TMEM178B: variants seen among roughly 807,000 people sequenced by gnomAD.
TMEM178B encodes transmembrane protein 178B.
Under a neutral mutation model 31.0 loss-of-function variants are expected in TMEM178B, and 5 were observed. The observed-to-expected ratio is 0.16, with a 90% CI of 0.08 to 0.34. The LOEUF is 0.34. TMEM178B is among the 10% of genes least tolerant of loss of function. The pLI is 1.00. For synonymous variants in TMEM178B, 164 were observed against 164.0 expected, an observed-to-expected ratio of 1.00 and a Z score of 0.00; for missense variants, 275 against 400.3, an observed-to-expected ratio of 0.69 and a Z score of 2.67.
intron 2 of TMEM178B, among the ~76,000 whole-genome samples, chr7:141,340,240 C>A (rs979932616): frequency 8.5e-5 from 13 of 152,144 alleles, no homozygotes; most frequent in Non-Finnish European, 1.5e-5. Flanking sequence ...AAGCATAGCC[C>A]AGCTGACAGC....
intron 1 of TMEM178B, among the ~76,000 whole-genome samples, chr7:141,129,584 A>T (rs924201183): frequency 6.6e-6 from 1 of 152,144 alleles, no homozygotes; most frequent in Non-Finnish European, 1.5e-5. Context: ...TTCTATTATC[A>T]TAGGTTGGTT....
chr7:141,510,808 G>C, the TMEM178B span, among the ~76,000 whole-genome samples: 3 of 151,132 alleles, frequency 2.0e-5, no homozygotes, highest in African/African-American at 7.3e-5. Context: ...GAGGCAGACA[G>C]AGGTAGAAGC....
intron 1 of TMEM178B, among the ~76,000 whole-genome samples, chr7:141,181,008 C>T (rs996319059): frequency 6.6e-6 from 1 of 152,174 alleles, no homozygotes. Context: ...ATCCACCCAT[C>T]TGTCAATTCA....
chr7:141,100,147 A>G (rs1175248677), intron 1 of TMEM178B, among the ~76,000 whole-genome samples: 1 of 151,814 alleles, frequency 6.6e-6, no homozygotes, highest in Non-Finnish European at 1.5e-5. Context: ...TCAGACTGCA[A>G]TCCTAATCAC....
chr7:141,404,065 G>A (rs540279608), intron 2 of TMEM178B, among the ~76,000 whole-genome samples: 1 of 152,204 alleles, frequency 6.6e-6, no homozygotes, highest in Non-Finnish European at 1.5e-5. Context: ...CAGCACTCTG[G>A]GGGGCCGAGA....
chr7:141,138,482 C>A (rs1274839663), intron 1 of TMEM178B, among the ~76,000 whole-genome samples: 1 of 151,898 alleles, frequency 6.6e-6, no homozygotes, highest in African/African-American at 2.4e-5. Context: ...AGAAGATGGC[C>A]CAGGTGGTTT....
At position 141,418,783 on chromosome 7, in the gene TMEM178B, A is replaced by G. The variant is rs76568406; in HGVS notation, c.497-18825A>G. Among the ~76,000 whole-genome samples, 659 of 152,282 alleles carry G rather than the reference A, an allele frequency of 4.3e-3. 12 individuals are homozygous for G. Among genetic ancestry groups the G allele is most frequent in the Admixed American group, 0.031 (467 of 15,288 alleles). ...TATCTCAAGTAATAATTGCTCCCCT[A>G]TGTGCTAGACTTGTACAGCCAGTGC... On this transcript the variant is annotated intron_variant, in intron 2 of 3. Coordinates refer to ENST00000565468, the MANE Select transcript of TMEM178B (RefSeq NM_001195278.2).
chr7:141,238,450 A>G (rs1039809771), intron 2 of TMEM178B, among the ~76,000 whole-genome samples: 2 of 152,176 alleles, frequency 1.3e-5, no homozygotes, highest in Non-Finnish European at 2.9e-5. Context: ...TGCTTTTGAT[A>G]TATCTTAACT....
chr7:141,215,129 A>G (rs576484240), intron 2 of TMEM178B, among the ~76,000 whole-genome samples: 1 of 152,208 alleles, frequency 6.6e-6, no homozygotes, highest in East Asian at 1.9e-4. Context: ...GATATTGATG[A>G]CATTAGGTGG....
chr7:141,154,236 G>A (rs1354882199), intron 1 of TMEM178B, among the ~76,000 whole-genome samples: 2 of 152,238 alleles, frequency 1.3e-5, no homozygotes, highest in Non-Finnish European at 2.9e-5. Flanking sequence ...TTGAAGGCTT[G>A]GGCCAGAATG....
At chr7:141,077,938 T>C (rs761027941) in intron 1 of TMEM178B, among the ~76,000 whole-genome samples, 1 of 152,216 alleles carries the variant, frequency 6.6e-6, no homozygotes, top group Non-Finnish European at 1.5e-5. Flanking sequence ...AACATGTCAC[T>C]AAGCAGACAC....
intron 2 of TMEM178B, among the ~76,000 whole-genome samples, chr7:141,272,621 A>G (rs4725553): frequency 0.048 from 7,347 of 152,282 alleles, 292 homozygotes; most frequent in East Asian, 0.13. Context: ...TTATATCTGT[A>G]GGCACAACCT....
chr7:141,287,545 A>G (rs886270913), intron 2 of TMEM178B, among the ~76,000 whole-genome samples: 2 of 152,208 alleles, frequency 1.3e-5, no homozygotes, highest in East Asian at 1.9e-4. Context: ...TCAGTAATCA[A>G]CATCTCTTCC....
chr7:141,266,340 C>A (rs1033379265), intron 2 of TMEM178B, among the ~76,000 whole-genome samples: 1 of 152,122 alleles, frequency 6.6e-6, no homozygotes, highest in Non-Finnish European at 1.5e-5. Context: ...GACACCTCAC[C>A]CCAGTGACCC....
chr7:141,074,211 C>G lies in TMEM178B; in HGVS notation c.-100C>G. 7.0e-7 allele frequency: 1 copy of G among 1,427,030 alleles called. No individual in the cohort carries two copies. Among genetic ancestry groups the G allele is most frequent in the Non-Finnish European group, 9.2e-7 (1 of 1,091,928 alleles). The allele number at this position is 1,427,030 out of a possible 1,614,324, so 88.4% of individuals were successfully genotyped here. On this transcript the variant is annotated 5_prime_UTR_variant, in exon 1 of 4. Transcript: ENST00000565468. The surrounding 1 kb of genome is among the most constrained non-coding windows in gnomAD (Gnocchi z 5.1). ...CCGCGGCGCGAGTCCCTCTCCTGCC[C>G]CCTCCCCCAGCTCGGCCGCCCGCCG...
chr7:141,345,628 C>G (rs1356150369), intron 2 of TMEM178B, among the ~76,000 whole-genome samples: 3 of 152,186 alleles, frequency 2.0e-5, no homozygotes, highest in Non-Finnish European at 4.4e-5. Flanking sequence ...GGGCTTGGTA[C>G]AGATGGTTCG....
chr7:141,206,153 A>C (rs1011453472), intron 1 of TMEM178B, among the ~76,000 whole-genome samples: 1 of 152,218 alleles, frequency 6.6e-6, no homozygotes, highest in Non-Finnish European at 1.5e-5. Context: ...CAGGGACCAC[A>C]CTTAGTACTT....
chr7:141,491,313 G>A, the TMEM178B span, among the ~76,000 whole-genome samples: 9 of 152,156 alleles, frequency 5.9e-5, no homozygotes, highest in African/African-American at 2.2e-4. Flanking sequence ...GATTACATGT[G>A]TGAGTCACTG....
intron 2 of TMEM178B, among the ~76,000 whole-genome samples, chr7:141,339,502 C>T (rs1190249424): frequency 6.6e-6 from 1 of 152,158 alleles, no homozygotes; most frequent in Admixed American, 6.5e-5. Context: ...CAAGACTACA[C>T]TTCAGCAAAA....
Sources: gnomAD v4.1 joint callset for allele counts (sites outside exome capture counted in the v4.1 genomes callset) on GRCh38, gnomAD v4.1.1 for gene constraint, Gnocchi (gnomAD v3.1) non-coding constraint, MANE v1.5 for transcripts, NCBI Gene and HGNC (gene_info 2026-07-23, HGNC 2026-07-21) for gene names.